Variants in FGF12 observed in about 807,000 individuals in gnomAD.
FGF12 encodes the protein fibroblast growth factor 12, also known as fibroblast growth factor 12B.
In FGF12, 14 loss-of-function variants were observed where a neutral mutation model predicts 23.6. That is an observed-to-expected ratio of 0.59 (90% CI 0.39 to 0.93). The LOEUF (loss-of-function observed/expected upper bound fraction) is 0.93. Ranked by LOEUF, FGF12 falls within the 40% of genes least tolerant of loss-of-function variation. The pLI is 0.00. For missense variants in FGF12, 175 were observed against 217.8 expected (o/e 0.80, Z 1.24); for synonymous variants, 62 against 77.3 (o/e 0.80, Z 1.04).
intron 2 of FGF12, among the ~76,000 whole-genome samples, chr3:192,558,423 A>T (rs1297000660): frequency 6.6e-6 from 1 of 151,932 alleles, no homozygotes; most frequent in Non-Finnish European, 1.5e-5. Flanking sequence ...TGTTGAAAGA[A>T]ATTAAAGAAG....
chr3:192,436,445 C>G (rs1722032334), intron 2 of FGF12, among the ~76,000 whole-genome samples: 1 of 152,122 alleles, frequency 6.6e-6, no homozygotes, highest in South Asian at 2.1e-4. Flanking sequence ...CAAAAGGAGT[C>G]AAGAGATTTT....
At chr3:192,502,427 T>A (rs565652699) in intron 2 of FGF12, among the ~76,000 whole-genome samples, 2 of 152,186 alleles carry the variant, frequency 1.3e-5, no homozygotes, top group Non-Finnish European at 2.9e-5. Context: ...AAGAAGAGCA[T>A]GTCAGACTAA....
chr3:192,165,697 A>C (rs1715126149), intron 5 of FGF12, among the ~76,000 whole-genome samples: 1 of 152,180 alleles, frequency 6.6e-6, no homozygotes, highest in Admixed American at 6.5e-5. Context: ...ATTTTGCATG[A>C]TTTAAAACTA....
In FGF12 at chr3:192,335,393, C is replaced by A; in HGVS notation, c.196G>T (p.Ala66Ser). ...TAGAGATAGCCTTCACCATTCATGG[C>A]CACATAGAGGCTAGCCTTCACTCCT... ...IQGVKASLYV[A>S]MNGEGYLYSS... is the part of the protein sequence containing the mutation. The change falls in exon 4 of 6, where the codon GCC becomes TCC. Residue 66 changes from alanine (A) to serine (S), a missense_variant. Ala to Ser is a moderately conservative substitution (Grantham distance 99, BLOSUM62 1). Transcript: ENST00000445105. The A allele has an allele frequency of 1.2e-6, 2 of 1,612,938 alleles. No homozygotes were observed. Among genetic ancestry groups the A allele is most frequent in the East Asian group, 2.2e-5 (1 of 44,830 alleles).
chr3:192,398,013 G>A (rs892750030), intron 2 of FGF12, among the ~76,000 whole-genome samples: 11 of 151,440 alleles, frequency 7.3e-5, no homozygotes, highest in Non-Finnish European at 1.0e-4. Flanking sequence ...CAACTTATCC[G>A]GGTTTATAGT....
Position 192,336,437 on chromosome 3 carries a change from T to C in FGF12, c.125-973A>G, listed in dbSNP as rs995768568. 1.3e-5 allele frequency among the ~76,000 whole-genome samples: 2 copies of C among 152,126 alleles called. No homozygotes were observed. The highest frequency in any genetic ancestry group is 2.9e-5 in the Non-Finnish European group (2 of 68,010). On this transcript the variant is annotated intron_variant, in intron 3 of 5. Transcript: ENST00000445105. The surrounding 1 kb of genome is among the most constrained non-coding windows in gnomAD (Gnocchi z 4.3). ...TTTCTGTCCTTGGGATTATTTCAGTTACTTTTGAGATCACGAAATGAGCAT... is the reference window on the plus strand; with the variant it reads ...TTTCTGTCCTTGGGATTATTTCAGTCACTTTTGAGATCACGAAATGAGCAT...
chr3:192,583,383 T>C (rs951065803), intron 2 of FGF12, among the ~76,000 whole-genome samples: 4 of 152,246 alleles, frequency 2.6e-5, no homozygotes, highest in African/African-American at 9.6e-5. Flanking sequence ...GTTCTTCCTT[T>C]TCTAGAGAAA....
intron 2 of FGF12, among the ~76,000 whole-genome samples, chr3:192,490,554 CAT>C (rs1206529194): frequency 6.6e-6 from 1 of 151,856 alleles, no homozygotes; most frequent in Non-Finnish European, 1.5e-5. Flanking sequence ...CATATATACA[CAT>C]ACGTACACAT....
chr3:192,535,306 T>C (rs1162497939), intron 2 of FGF12, among the ~76,000 whole-genome samples: 1 of 152,166 alleles, frequency 6.6e-6, no homozygotes, highest in Non-Finnish European at 1.5e-5. Context: ...CATCCATATA[T>C]CCATAGGGAA....
At chr3:192,175,433 T>C (rs1715806638) in intron 4 of FGF12, among the ~76,000 whole-genome samples, 1 of 152,202 alleles carries the variant, frequency 6.6e-6, no homozygotes, top group African/African-American at 2.4e-5. Context: ...TGTTCTATTC[T>C]ATGTCATGTG....
In FGF12 at chr3:192,714,461, A is replaced by T. The variant is rs867980787; in HGVS notation, c.13+12720T>A. Among the ~76,000 whole-genome samples, 77 of 151,104 alleles carry T rather than the reference A, an allele frequency of 5.1e-4. 3 individuals are homozygous for T. The Middle Eastern group carries it at 0.065, about 128-fold the overall frequency. ...AATGCACGTATATTAGTACTTGCAT[A>T]GTTTTTAGTCTGTTATAATTCTGAG... On this transcript the variant is annotated intron_variant, in intron 2 of 5. Transcript: ENST00000445105.
chr3:192,311,586 A>G (rs1285609752), intron 4 of FGF12, among the ~76,000 whole-genome samples: 1 of 152,208 alleles, frequency 6.6e-6, no homozygotes, highest in Non-Finnish European at 1.5e-5. Flanking sequence ...GGCTGTTATG[A>G]ATAATGCTAC....
At chr3:192,663,727 TC>T (rs2108686347) in intron 2 of FGF12, among the ~76,000 whole-genome samples, 1 of 152,096 alleles carries the variant, frequency 6.6e-6, no homozygotes, top group Non-Finnish European at 1.5e-5. Context: ...TTATTTTCTC[TC>T]TCAGAACGGT....
At chr3:192,467,382 T>C (rs2108811483) in intron 2 of FGF12, among the ~76,000 whole-genome samples, 1 of 152,232 alleles carries the variant, frequency 6.6e-6, no homozygotes, top group East Asian at 1.9e-4. Context: ...TTCTGTAAAT[T>C]CCTGAATCTG....
rs763967958 is a variant in FGF12, at chr3:192,378,095, T to TGTCTG, written c.14-17558_14-17557insCAGAC. Among the ~76,000 whole-genome samples the TGTCTG allele has an allele frequency of 3.6e-5, 3 of 82,676 alleles. 1 individual carries two copies. The highest frequency in any genetic ancestry group is 7.6e-5 in the Non-Finnish European group (3 of 39,668). 54.2% of individuals were successfully genotyped at this position (82,676 alleles called of 152,430 possible). A position where few individuals can be genotyped will look rare whatever the true frequency, so the allele number is the denominator to read the frequency against. On this transcript the variant is annotated intron_variant, in intron 2 of 5. Transcript: ENST00000445105. The stretch of plus-strand genomic sequence containing the variant: ...CTTTCTTTCTTTCTTTCTTTCTTTC[T>TGTCTG]TCTTTCTTTCCTTCTTTCTCTCTTT...
intron 4 of FGF12, among the ~76,000 whole-genome samples, chr3:192,270,803 GGAAGGAAGGAAGGAAA>G (rs1351826198): frequency 6.7e-6 from 1 of 149,264 alleles, no homozygotes. Context: ...AAGGAAGGAA[GGAAGGAAGGAAGGAAA>G]GAAGGAAGGA....
intron 4 of FGF12, among the ~76,000 whole-genome samples, chr3:192,242,276 G>A (rs1172758761): frequency 1.3e-5 from 2 of 152,116 alleles, no homozygotes; most frequent in African/African-American, 4.8e-5. Flanking sequence ...TTCCACTTCG[G>A]TACTTAAGGA....
rs1174950463 is a variant in FGF12 at position 192,411,894 on chromosome 3, A to C, written c.14-51356T>G. ...CATTCTCATCTACCTCGCAGAAGTG[A>C]ATATGCATGTGTAAGCATTCTGAAA... On this transcript the variant is annotated intron_variant, in intron 2 of 5. Coordinates refer to ENST00000445105, the MANE Select transcript of FGF12 (RefSeq NM_004113.6). Among the ~76,000 whole-genome samples the C allele has an allele frequency of 3.3e-5, 5 of 152,350 alleles. No homozygotes were observed. In the East Asian group the frequency reaches 9.6e-4, roughly 29 times the overall value.
intron 2 of FGF12, among the ~76,000 whole-genome samples, chr3:192,400,369 CTT>C (rs5855423): frequency 3.8e-5 from 5 of 130,756 alleles, no homozygotes; most frequent in Admixed American, 1.6e-4. Context: ...ACATTCTTTT[CTT>C]TTTTTTTTTT....
Sources: allele counts gnomAD v4.1 joint callset (sites outside exome capture counted in the v4.1 genomes callset), GRCh38; gene constraint gnomAD v4.1.1; non-coding constraint Gnocchi (gnomAD v3.1); transcripts MANE v1.5; gene names NCBI Gene and HGNC (gene_info 2026-07-23, HGNC 2026-07-21).